CDKL3: variants seen among roughly 807,000 people sequenced by gnomAD.
The protein encoded by CDKL3 is cyclin-dependent kinase-like 3.
In CDKL3, 65 loss-of-function variants were observed where a neutral mutation model predicts 69.3. The observed-to-expected ratio is 0.94, with a 90% CI of 0.77 to 1.15. The LOEUF (loss-of-function observed/expected upper bound fraction) is 1.15. CDKL3 is among the 50% of genes most tolerant of loss of function. The pLI is 0.00. For missense variants in CDKL3, 652 were observed against 689.2 expected, an observed-to-expected ratio of 0.95 and a Z score of 0.61; for synonymous variants, 202 against 221.6, an observed-to-expected ratio of 0.91 and a Z score of 0.79.
Position 134,313,271 on chromosome 5 carries a change from C to A in CDKL3, c.793-891G>T, listed in dbSNP as rs952895940. 2.6e-5 allele frequency among the ~76,000 whole-genome samples: 4 copies of A among 152,242 alleles called. No homozygotes were observed. The South Asian group carries it at 6.2e-4, about 24-fold the overall frequency. ...TTACTCTGTCGCCCAGGCTGGAGTG[C>A]AGTGGTGCAATTATAGCTCACTGGA... On this transcript the variant is annotated intron_variant, in intron 6 of 12. Coordinates refer to ENST00000265334, the MANE Select transcript of CDKL3 (RefSeq NM_001113575.2).
chr5:134,318,658 TG>T (rs1166951600), intron 6 of CDKL3, among the ~76,000 whole-genome samples: 3 of 151,996 alleles, frequency 2.0e-5, no homozygotes, highest in Non-Finnish European at 4.4e-5. Context: ...GCTAACTTTT[TG>T]TATTTTTAGT....
intron 9 of CDKL3, 25 bp from the exon 10 acceptor site, chr5:134,306,727 G>A: frequency 2.0e-6 from 1 of 496,346 alleles, no homozygotes; most frequent in South Asian, 1.9e-5. Flanking sequence ...TGAATGAGAA[G>A]TTACTAAAAC....
intron 2 of CDKL3, among the ~76,000 whole-genome samples, chr5:134,364,595 T>C (rs1462847315): frequency 6.6e-6 from 1 of 151,796 alleles, no homozygotes; most frequent in African/African-American, 2.4e-5. Context: ...CACTGCAACC[T>C]CCTCCTCTTG....
intron 3 of CDKL3, 54 bp from the exon 4 acceptor site, chr5:134,350,481 ATC>A: frequency 1.6e-6 from 2 of 1,238,630 alleles, no homozygotes; most frequent in Non-Finnish European, 2.3e-6. Flanking sequence ...ATTATCCAGA[ATC>A]TCTCAAAAAT....
chr5:134,306,750 C>CAT (rs753891922), intron 9 of CDKL3, 48 bp from the exon 10 acceptor site: 147 of 227,606 alleles, frequency 6.5e-4, no homozygotes, highest in Admixed American at 2.1e-3. Flanking sequence ...CCCAGAAATG[C>CAT]TTTTTTTTTT....
At chr5:134,310,473 A>G (rs995946381) in intron 7 of CDKL3, among the ~76,000 whole-genome samples, 4 of 149,804 alleles carry the variant, frequency 2.7e-5, no homozygotes, top group Non-Finnish European at 4.4e-5. Flanking sequence ...TACAGGTGTG[A>G]GCCACCAAGC....
At chr5:134,340,760 T>A (rs1750286646) in intron 4 of CDKL3, among the ~76,000 whole-genome samples, 1 of 152,154 alleles carries the variant, frequency 6.6e-6, no homozygotes, top group African/African-American at 2.4e-5. Context: ...GCCTAGATGA[T>A]GTCACTACTG....
At chr5:134,322,343 C>T (rs982605288) in intron 4 of CDKL3, among the ~76,000 whole-genome samples, 4 of 151,938 alleles carry the variant, frequency 2.6e-5, no homozygotes, top group Admixed American at 1.3e-4. Context: ...GATCATATAC[C>T]GACTTTATAA....
In CDKL3 at chr5:134,308,561, C is replaced by A. The variant is rs201428226; in HGVS notation, c.1035+13G>T. 44 of 1,568,162 alleles carry A rather than the reference C, an allele frequency of 2.8e-5. No homozygotes were observed. Among genetic ancestry groups the A allele is most frequent in the Non-Finnish European group, 5.1e-6 (6 of 1,165,456 alleles). On this transcript the variant is annotated intron_variant, in intron 8 of 12. Coordinates refer to ENST00000265334, the MANE Select transcript of CDKL3 (RefSeq NM_001113575.2). ...ATAATTATACTGGCTGAAACAAAAA[C>A]CAAAGTTCTTACCTTTCCCAAAACT...
chr5:134,302,558 C>A (rs2149421764), intron 12 of CDKL3, 32 bp downstream of exon 12: 6 of 1,090,832 alleles, frequency 5.5e-6, no homozygotes, highest in African/African-American at 1.5e-5. Context: ...AAACAACATG[C>A]CTTAGTAAAA....
At chr5:134,337,780 A>G (rs1489804847) in intron 4 of CDKL3, among the ~76,000 whole-genome samples, 1 of 152,232 alleles carries the variant, frequency 6.6e-6, no homozygotes, top group African/African-American at 2.4e-5. Context: ...CTTCATCATG[A>G]ATTTGATGCT....
intron 3 of CDKL3, 140 bp from the exon 4 acceptor site, chr5:134,350,567 T>C: frequency 1.6e-6 from 1 of 621,580 alleles, no homozygotes; most frequent in Middle Eastern, 4.4e-4. Flanking sequence ...AATTACACAA[T>C]GCAAATATAG....
At chr5:134,357,327 C>G (rs1754867613) in intron 3 of CDKL3, among the ~76,000 whole-genome samples, 1 of 152,056 alleles carries the variant, frequency 6.6e-6, no homozygotes, top group African/African-American at 2.4e-5. Context: ...ACCTGTAAAC[C>G]CAGTTACTTG....
intron 9 of CDKL3, among the ~76,000 whole-genome samples, chr5:134,307,328 C>T (rs928623232): frequency 1.3e-5 from 2 of 152,112 alleles, no homozygotes; most frequent in East Asian, 1.9e-4. Context: ...ACTTACTGTC[C>T]AAGACTGACT....
chr5:134,349,665 T>C lies in CDKL3; in HGVS notation c.539+584A>G, dbSNP rs546779496. ...GGCATGGCACAGCTTAAAGCAAATA[T>C]AGATACACACTGAGGGATGTCTGCA... On this transcript the variant is annotated intron_variant, in intron 4 of 12. Transcript: ENST00000265334. Among the ~76,000 whole-genome samples the C allele has an allele frequency of 1.2e-4, 19 of 152,274 alleles. No homozygotes were observed. In the East Asian group the frequency reaches 1.7e-3, roughly 14 times the overall value.
chr5:134,297,526 A>G (rs1432722302), downstream of CDKL3, among the ~76,000 whole-genome samples: 1 of 152,082 alleles, frequency 6.6e-6, no homozygotes, highest in African/African-American at 2.4e-5. Flanking sequence ...ATTGCTGACC[A>G]ACAGAACATA....
intron 9 of CDKL3, among the ~76,000 whole-genome samples, chr5:134,307,116 A>C (rs572544254): frequency 6.6e-6 from 1 of 152,266 alleles, no homozygotes; most frequent in South Asian, 2.1e-4. Flanking sequence ...TACTGTTTGA[A>C]CACTGAGTAC....
At chr5:134,356,924 G>A (rs371821620) in intron 3 of CDKL3, among the ~76,000 whole-genome samples, 1 of 152,150 alleles carries the variant, frequency 6.6e-6, no homozygotes, top group Non-Finnish European at 1.5e-5. Flanking sequence ...CGTATTACTG[G>A]TATTTAGTCA....
At chr5:134,320,614 GCC>G (rs1772470170) in intron 5 of CDKL3, among the ~76,000 whole-genome samples, 1 of 152,020 alleles carries the variant, frequency 6.6e-6, no homozygotes, top group African/African-American at 2.4e-5. Flanking sequence ...GGTGGTTCAT[GCC>G]TGTATTCCCA....
Sources: allele counts gnomAD v4.1 joint callset (sites outside exome capture counted in the v4.1 genomes callset), GRCh38; gene constraint gnomAD v4.1.1; transcripts MANE v1.5; gene names NCBI Gene and HGNC (gene_info 2026-07-23, HGNC 2026-07-21).